STK32B: variants seen among roughly 807,000 people sequenced by gnomAD.
STK32B encodes the protein serine/threonine-protein kinase 32B.
A neutral mutation model predicts 52.6 loss-of-function variants in STK32B; 43 were observed. The observed-to-expected ratio is 0.82, with a 90% confidence interval of 0.64 to 1.05. STK32B has a LOEUF of 1.05. STK32B is among the 50% of genes least tolerant of loss of function. The probability of loss-of-function intolerance (pLI) is 0.00; values close to 1 mark genes in which losing one functional copy is unlikely to be tolerated. For missense variants in STK32B, 621 were observed against 534.6 expected (o/e 1.16, Z -1.59); for synonymous variants, 238 against 204.3 (o/e 1.17, Z -1.41).
chr4:5,214,282 G>C (rs1723064990), intron 3 of STK32B: 1 of 152,290 alleles, frequency 6.6e-6, no homozygotes, highest in Non-Finnish European at 1.5e-5. Context: ...CTTCTCCTTT[G>C]CCTTCCGCCA....
chr4:5,394,878 A>G lies in STK32B; in HGVS notation c.435-3329A>G, dbSNP rs1736784139. On this transcript the variant is annotated intron_variant, in intron 4 of 11. Transcript: ENST00000282908. This position sits in a 1 kb window ranked among gnomAD's most constrained non-coding sequence, Gnocchi z 4.2. ...CTAATTACCACTAACTTAACAACTT[A>G]AAATAACTCACATTTATTTTCCCTC... 1.3e-5 allele frequency among the ~76,000 whole-genome samples: 2 copies of G among 152,248 alleles called. No individual in the cohort carries two copies. The highest frequency in any genetic ancestry group is 2.9e-5 in the Non-Finnish European group (2 of 68,046).
chr4:5,219,142 A>T (rs1223222363), intron 3 of STK32B, among the ~76,000 whole-genome samples: 8 of 152,168 alleles, frequency 5.3e-5, no homozygotes. Flanking sequence ...TCCAAGGTGG[A>T]GTCTGACCAA....
chr4:5,160,555 A>C (rs111819527), intron 2 of STK32B, among the ~76,000 whole-genome samples: 87 of 152,010 alleles, frequency 5.7e-4, no homozygotes, highest in African/African-American at 2.1e-3. Flanking sequence ...GCCTTTCCCA[A>C]ATCCCATATC....
At chr4:5,276,150 G>A (rs1033380762) in intron 3 of STK32B, among the ~76,000 whole-genome samples, 9 of 152,164 alleles carry the variant, frequency 5.9e-5, no homozygotes, top group Non-Finnish European at 8.8e-5. Flanking sequence ...TTAGTCAGGC[G>A]TGGTGGTGCA....
intron 1 of STK32B, among the ~76,000 whole-genome samples, chr4:5,072,962 C>T (rs1203670186): frequency 1.3e-5 from 2 of 152,054 alleles, no homozygotes; most frequent in Non-Finnish European, 2.9e-5. Flanking sequence ...AAAGTATTCT[C>T]TTTATCTCTG....
At position 5,396,901 on chromosome 4, in the gene STK32B, T is replaced by C. The variant is rs1002241858; in HGVS notation, c.435-1306T>C. ...TAAGTTCTCAAGTTCATCCCTCCCATGTGGCTCCCTACGGGTCTCTGCGGT... is the reference window on the plus strand; with the variant it reads ...TAAGTTCTCAAGTTCATCCCTCCCACGTGGCTCCCTACGGGTCTCTGCGGT... On this transcript the variant is annotated intron_variant, in intron 4 of 11. Transcript: ENST00000282908. This position sits in a 1 kb window ranked among gnomAD's most constrained non-coding sequence, Gnocchi z 4.7. 3.9e-5 allele frequency among the ~76,000 whole-genome samples: 6 copies of C among 152,208 alleles called. No individual in the cohort carries two copies. The highest frequency in any genetic ancestry group is 1.4e-4 in the African/African-American group (6 of 41,446).
chr4:5,268,769 C>T (rs562002719), intron 3 of STK32B, among the ~76,000 whole-genome samples: 5 of 151,960 alleles, frequency 3.3e-5, no homozygotes, highest in South Asian at 2.1e-4. Flanking sequence ...CCTCTGCAGC[C>T]GAAAGCAGGC....
chr4:5,282,453 ATAAC>A (rs1160102738), intron 3 of STK32B, among the ~76,000 whole-genome samples: 1 of 152,222 alleles, frequency 6.6e-6, no homozygotes, highest in Non-Finnish European at 1.5e-5. Context: ...ATTAACAGTA[ATAAC>A]TAACACTAAG....
intron 6 of STK32B, among the ~76,000 whole-genome samples, chr4:5,444,082 G>T (rs1424267353): frequency 6.6e-6 from 1 of 152,184 alleles, no homozygotes; most frequent in Non-Finnish European, 1.5e-5. Flanking sequence ...CCCAGAGGTG[G>T]AGCCTACAGA....
chr4:5,437,121 C>T (rs970686963), intron 6 of STK32B, among the ~76,000 whole-genome samples: 4 of 152,244 alleles, frequency 2.6e-5, no homozygotes, highest in South Asian at 2.1e-4. Flanking sequence ...GCCCAGTACA[C>T]GGGAAAGGAC....
intron 6 of STK32B, among the ~76,000 whole-genome samples, chr4:5,446,450 C>T (rs1695713193): frequency 6.6e-6 from 1 of 151,754 alleles, no homozygotes; most frequent in Admixed American, 6.6e-5. Flanking sequence ...CCTGTAATCT[C>T]AGCTGCTCGG....
chr4:5,358,636 G>A (rs1354310), intron 4 of STK32B, among the ~76,000 whole-genome samples: 15,170 of 151,958 alleles, frequency 0.1, 1,197 homozygotes, highest in Admixed American at 0.21. Context: ...ATTGGATATT[G>A]ATAATAGCAG....
At chr4:5,176,281 C>T (rs1181959054) in intron 3 of STK32B, among the ~76,000 whole-genome samples, 1 of 152,160 alleles carries the variant, frequency 6.6e-6, no homozygotes. Flanking sequence ...TGCTTTGGTT[C>T]ACGCATGGTG....
intron 1 of STK32B, among the ~76,000 whole-genome samples, chr4:5,111,928 A>C (rs1363968714): frequency 6.6e-6 from 1 of 152,076 alleles, no homozygotes; most frequent in Non-Finnish European, 1.5e-5. Context: ...GCAGCAAATA[A>C]AGGAGATTTC....
chr4:5,142,360 A>G (rs374330922), intron 2 of STK32B, among the ~76,000 whole-genome samples: 1 of 152,194 alleles, frequency 6.6e-6, no homozygotes, highest in East Asian at 1.9e-4. Context: ...CTTTCTAAAC[A>G]CGACACATTT....
In STK32B at chr4:5,446,694, A is replaced by C. The variant is rs771706652; in HGVS notation, c.584A>C (p.Tyr195Ser). The change falls in exon 7 of 12, where the codon TAC (tyrosine) becomes TCC (serine). Residue 195 changes from tyrosine to serine, a missense_variant. Tyr to Ser is a moderately radical substitution (Grantham distance 144, BLOSUM62 -2). Transcript: ENST00000282908. ...GCAGCTCCAGAAGTATTCCAGGTGT[A>C]CATGGACAGAGGCCCCGGATACTCG... The part of the protein sequence containing the change: ...PYMAPEVFQV[Y>S]MDRGPGYSYP... 1.2e-6 allele frequency: 2 copies of C among 1,613,980 alleles called. No individual in the cohort carries two copies. The highest frequency in any genetic ancestry group is 2.7e-5 in the African/African-American group (2 of 74,910).
rs116463095 is a variant in STK32B at position 5,337,825 on chromosome 4, C to A, written c.434+6432C>A. ...AAATGAGTCAGCTCTGTATATAATA[C>A]CTAATCCTATCACCTAAACCCTGAA... On this transcript the variant is annotated intron_variant, in intron 4 of 11. Transcript: ENST00000282908. Among the ~76,000 whole-genome samples the A allele has an allele frequency of 3.4e-3, 521 of 152,166 alleles. 4 individuals are homozygous for A. The highest frequency in any genetic ancestry group is 0.012 in the African/African-American group (506 of 41,506).
At chr4:5,120,318 C>T (rs1306390921) in intron 1 of STK32B, among the ~76,000 whole-genome samples, 2 of 152,180 alleles carry the variant, frequency 1.3e-5, no homozygotes, top group Non-Finnish European at 2.9e-5. Context: ...TCATTCACTT[C>T]CCTTCATCTC....
rs535578571 is a variant in STK32B at position 5,419,754 on chromosome 4, A to C, written c.562+2820A>C. 5.3e-5 allele frequency among the ~76,000 whole-genome samples: 8 copies of C among 152,282 alleles called. No individual in the cohort carries two copies. In the South Asian group the frequency reaches 1.7e-3, roughly 32 times the overall value. On this transcript the variant is annotated intron_variant, in intron 6 of 11. Coordinates refer to ENST00000282908, the MANE Select transcript of STK32B (RefSeq NM_018401.3). ...TATTTTTGTAGCAAATGCATCCATG[A>C]GTTTTTGGTTTAGTGATCTATTTGC...
Sources: allele counts gnomAD v4.1 joint callset (sites outside exome capture counted in the v4.1 genomes callset), GRCh38; gene constraint gnomAD v4.1.1; non-coding constraint Gnocchi (gnomAD v3.1); transcripts MANE v1.5; gene names NCBI Gene and HGNC (gene_info 2026-07-23, HGNC 2026-07-21).